The following CTCF variants were observed in gnomAD, a reference collection of about 807,000 sequenced individuals.
CTCF encodes the protein CCCTC-binding factor, also known as transcriptional repressor CTCF.
Under a neutral mutation model 72.3 loss-of-function variants are expected in CTCF, and 7 were observed. That is an observed-to-expected ratio of 0.10 (90% CI 0.06 to 0.18). The LOEUF is 0.18. Among genes scored for constraint, CTCF ranks in the 10% least tolerant of loss-of-function variants. CTCF has a pLI of 1.00. For missense variants in CTCF, 516 were observed against 949.1 expected (o/e 0.54, Z 6.00); for synonymous variants, 374 against 315.8 (o/e 1.18, Z -1.95).
In CTCF at chr16:67,611,427, C is replaced by T; in HGVS notation, c.595C>T (p.Pro199Ser). ...TTGGCAAAAAGACCCAGACTATCAG[C>T]CACCAGCCAAAAAAACAAAGAAAAC... Reference protein sequence around the residue: ...PSWQKDPDYQPPAKKTKKTKK... With the variant: ...PSWQKDPDYQSPAKKTKKTKK... Residue 199 changes from proline to serine, a missense_variant, in exon 3 of 12, where the codon CCA becomes TCA. Transcript: ENST00000264010. 5 of 1,614,072 alleles carry T rather than the reference C, an allele frequency of 3.1e-6. No individual in the cohort carries two copies. Among genetic ancestry groups the T allele is most frequent in the Middle Eastern group, 1.6e-4 (1 of 6,062 alleles).
intron 6 of CTCF, 38 bp from the exon 7 acceptor site, chr16:67,621,404 C>T (rs1358915937): frequency 1.4e-6 from 2 of 1,443,866 alleles, no homozygotes; most frequent in Non-Finnish European, 9.7e-7. Flanking sequence ...AGTATTTATT[C>T]ATTTCATTTA....
intron 9 of CTCF, 129 bp from the exon 10 acceptor site, chr16:67,629,269 C>A: frequency 1.3e-6 from 1 of 792,074 alleles, no homozygotes. Context: ...GCAGAGACAG[C>A]GTGTTCAGGA....
At chr16:67,604,741 T>G (rs71393953) in intron 2 of CTCF, among the ~76,000 whole-genome samples, 36,528 of 128,108 alleles carry the variant, frequency 0.29, 5,664 homozygotes, top group South Asian at 0.37. Flanking sequence ...TTTTTTTTTT[T>G]TTTGTTTTTT....
intron 10 of CTCF, among the ~76,000 whole-genome samples, chr16:67,635,025 GTT>G (rs2052411430): frequency 6.8e-6 from 1 of 148,018 alleles, no homozygotes; most frequent in African/African-American, 2.5e-5. Flanking sequence ...GTTTTTGTTT[GTT>G]TGTTTGTTTT....
chr16:67,588,038 A>G (rs1254438787), intron 2 of CTCF, among the ~76,000 whole-genome samples: 1 of 151,944 alleles, frequency 6.6e-6, no homozygotes, highest in Non-Finnish European at 1.5e-5. Flanking sequence ...TTGCATTTTC[A>G]GTAGAGACGG....
At chr16:67,620,911 T>C in intron 6 of CTCF, 94 bp downstream of exon 6, 4 of 1,040,922 alleles carry the variant, frequency 3.8e-6, no homozygotes. Context: ...ATTGTTTATA[T>C]GAATGAAGAC....
chr16:67,621,278 A>G (rs1380580585), intron 6 of CTCF, 164 bp from the exon 7 acceptor site: 1 of 569,576 alleles, frequency 1.8e-6, no homozygotes, highest in African/African-American at 1.9e-5. Flanking sequence ...GGACTTGGCC[A>G]TATCTGAAGA....
At position 67,608,293 on chromosome 16, in the gene CTCF, T is replaced by C. The variant is rs1398188769; in HGVS notation, c.-9-2531T>C. ...GAGCGGAGATCGTGCCACTGCACCC[T>C]AGCCTGGGCAACAGAGCGAGACTCC... On this transcript the variant is annotated intron_variant, in intron 2 of 11. Transcript: ENST00000264010. Among the ~76,000 whole-genome samples the C allele has an allele frequency of 2.1e-5, 3 of 145,970 alleles. No individual in the cohort carries two copies. The Admixed American group carries it at 2.1e-4, about 10-fold the overall frequency.
At chr16:67,628,589 T>C (rs2052321885) in intron 9 of CTCF, 37 bp downstream of exon 9, 4 of 1,597,244 alleles carry the variant, frequency 2.5e-6, no homozygotes, top group Non-Finnish European at 3.4e-6. Flanking sequence ...GTTATGATAC[T>C]GAATATTGGA....
chr16:67,637,646 C>T (rs2142888833), intron 11 of CTCF, 42 bp from the exon 12 acceptor site: 1 of 1,557,058 alleles, frequency 6.4e-7, no homozygotes, highest in East Asian at 2.3e-5. Flanking sequence ...ATTCTTGGGG[C>T]TTTAATGGAC....
intron 2 of CTCF, among the ~76,000 whole-genome samples, chr16:67,572,167 G>A (rs923819266): frequency 6.6e-6 from 1 of 152,094 alleles, no homozygotes. Context: ...TAAAGAGAAG[G>A]GAATAGGAAT....
chr16:67,637,520 G>T (rs976671126), intron 11 of CTCF, among the ~76,000 whole-genome samples, 168 bp from the exon 12 acceptor site: 3 of 152,162 alleles, frequency 2.0e-5, no homozygotes, highest in African/African-American at 7.2e-5. Flanking sequence ...CATAGAGCAA[G>T]ACTCCGTCTC....
chr16:67,612,235 G>A, intron 4 of CTCF, 114 bp downstream of exon 4: 1 of 911,758 alleles, frequency 1.1e-6, no homozygotes, highest in Non-Finnish European at 1.6e-6. Context: ...TATTTCTTAT[G>A]ATGCCCTTTT....
rs2142828523 is a variant in CTCF, at chr16:67,612,022, A to G, written c.853A>G (p.Met285Val). 6.2e-7 allele frequency: 1 copy of G among 1,614,198 alleles called. No individual in the cohort carries two copies. The change falls in exon 4 of 12, where the codon ATG becomes GTG. Residue 285 changes from methionine to valine, a missense_variant. Coordinates refer to ENST00000264010, the MANE Select transcript of CTCF (RefSeq NM_006565.4). ...CPRRSNLDRH[M>V]KSHTDERPHK... ...ACGGCGTTCAAATTTGGATCGTCACATGAAAAGCCACACTGATGAGAGACC... is the reference window on the plus strand; with the variant it reads ...ACGGCGTTCAAATTTGGATCGTCACGTGAAAAGCCACACTGATGAGAGACC...
chr16:67,564,206 C>T (rs535887943), intron 1 of CTCF, among the ~76,000 whole-genome samples: 1 of 152,362 alleles, frequency 6.6e-6, no homozygotes, highest in East Asian at 1.9e-4. Context: ...CACTAAAAAG[C>T]ATCCCGTTGA....
At chr16:67,602,624 C>G (rs1427670187) in intron 2 of CTCF, among the ~76,000 whole-genome samples, 2 of 151,882 alleles carry the variant, frequency 1.3e-5, no homozygotes, top group African/African-American at 2.4e-5. Context: ...GGCAGATTAC[C>G]TGAGGTCAGG....
intron 6 of CTCF, 138 bp downstream of exon 6, chr16:67,620,955 C>A: frequency 1.6e-6 from 1 of 612,308 alleles, no homozygotes; most frequent in Non-Finnish European, 2.5e-6. Context: ...GATAATGCTT[C>A]TCCGGCATAT....
chr16:67,585,442 C>CAG (rs2051656936), intron 2 of CTCF, among the ~76,000 whole-genome samples: 1 of 152,214 alleles, frequency 6.6e-6, no homozygotes, highest in African/African-American at 2.4e-5. Context: ...TGATGCATTA[C>CAG]TAGGCTCTGA....
At position 67,593,320 on chromosome 16, in the gene CTCF, A is replaced by G. The variant is rs1215713705; in HGVS notation, c.-9-17504A>G. Among the ~76,000 whole-genome samples the G allele has an allele frequency of 2.0e-5, 3 of 151,894 alleles. No individual in the cohort carries two copies. In the East Asian group the frequency reaches 5.8e-4, roughly 29 times the overall value. ...CAGGTAATGAGCATAGTACCCAATG[A>G]TTAGTTTTGCAGCCCTTACCCCGTT... On this transcript the variant is annotated intron_variant, in intron 2 of 11. Transcript: ENST00000264010.
Sources: allele counts gnomAD v4.1 joint callset (sites outside exome capture counted in the v4.1 genomes callset), GRCh38; gene constraint gnomAD v4.1.1; transcripts MANE v1.5; gene names NCBI Gene and HGNC (gene_info 2026-07-23, HGNC 2026-07-21).